The following SCN9A variants were observed in gnomAD, a reference collection of about 807,000 sequenced individuals.
The protein encoded by SCN9A is sodium voltage-gated channel alpha subunit 9.
A neutral mutation model predicts 187.0 loss-of-function variants in SCN9A; 131 were observed. That is an observed-to-expected ratio of 0.70 (90% confidence interval 0.61 to 0.81). SCN9A has a LOEUF of 0.81. SCN9A is among the 30% of genes least tolerant of loss of function. The pLI, the probability that SCN9A is intolerant of heterozygous loss-of-function variation, is 0.00. For missense variants in SCN9A, 2,252 were observed against 2,396.6 expected (o/e 0.94, Z 1.26); for synonymous variants, 809 against 808.6 (o/e 1.00, Z -0.01).
chr2:166,218,830 G>A (rs180692545), intron 24 of SCN9A, among the ~76,000 whole-genome samples: 254 of 152,176 alleles, frequency 1.7e-3, no homozygotes, highest in African/African-American at 5.2e-3. Flanking sequence ...TCTGACAAAG[G>A]TCTAATATCC....
At chr2:166,362,567 A>G (rs1700310351) in intron 1 of SCN9A, among the ~76,000 whole-genome samples, 2 of 152,004 alleles carry the variant, frequency 1.3e-5, no homozygotes, top group Admixed American at 1.3e-4. Context: ...ATTCCAAATT[A>G]GATAACAATC....
chr2:166,195,303 T>G lies in SCN9A; in HGVS notation c.*3369A>C, dbSNP rs199744543. The stretch of plus-strand genomic sequence containing the variant: ...CTCAAACATTTTGAGCATTCATAGA[T>G]CTATGAAATTTGTAAAGAATCCTAT... On this transcript the variant is annotated 3_prime_UTR_variant, in exon 27 of 27. Coordinates refer to ENST00000642356, the MANE Select transcript of SCN9A (RefSeq NM_001365536.1). 5 of 152,200 alleles carry G rather than the reference T, an allele frequency of 3.3e-5. No individual in the cohort carries two copies. The highest frequency in any genetic ancestry group is 7.3e-5 in the Non-Finnish European group (5 of 68,034). 9.4% of individuals were successfully genotyped at this position (152,200 alleles called of 1,614,324 possible).
chr2:166,329,273 A>G (rs1244609716), intron 1 of SCN9A, among the ~76,000 whole-genome samples: 1 of 152,140 alleles, frequency 6.6e-6, no homozygotes, highest in Non-Finnish European at 1.5e-5. Context: ...CTTACTTTTC[A>G]AATTACCAAA....
At chr2:166,373,358 G>A (rs1700610887) in intron 1 of SCN9A, among the ~76,000 whole-genome samples, 1 of 149,704 alleles carries the variant, frequency 6.7e-6, no homozygotes, top group Non-Finnish European at 1.5e-5. Context: ...GTTTGTTAGG[G>A]GAGACAGGAT....
intron 7 of SCN9A, among the ~76,000 whole-genome samples, chr2:166,295,156 A>G (rs56950053): frequency 3.3e-3 from 503 of 152,322 alleles, no homozygotes; most frequent in African/African-American, 0.012. Flanking sequence ...AGAAAGAACT[A>G]AAGCCCTAAG....
chr2:166,229,831 T>G (rs982350674), intron 21 of SCN9A, among the ~76,000 whole-genome samples: 8 of 152,206 alleles, frequency 5.3e-5, no homozygotes, highest in Non-Finnish European at 1.2e-4. Context: ...TCCTGTGGCA[T>G]TTAACACTCT....
At position 166,278,265 on chromosome 2, in the gene SCN9A, T is replaced by C. The variant is rs149707354; in HGVS notation, c.2392A>G (p.Met798Val). ...AAEMVLKLIAMDPYEYFQVGW... is the reference protein window; with the variant it reads ...AAEMVLKLIAVDPYEYFQVGW... ...ACTTGGAAATACTCATATGGATCCA[T>C]GGCAATCAGTTTTAATACCATTTCA... Residue 798 changes from methionine to valine, a missense_variant, in exon 15 of 27, where the codon ATG becomes GTG. This residue lies in a region of SCN9A where 1,013 missense variants were observed against 997.4 expected (regional missense o/e 1.02). Coordinates refer to ENST00000642356, the MANE Select transcript of SCN9A (RefSeq NM_001365536.1). 1,360 of 1,611,782 alleles carry C rather than the reference T, an allele frequency of 8.4e-4. 24 individuals carry two copies. In the East Asian group the frequency reaches 0.025, roughly 30 times the overall value.
chr2:166,300,722 A>G lies in SCN9A; in HGVS notation c.901+2368T>C, dbSNP rs1000609120. On this transcript the variant is annotated intron_variant, in intron 7 of 26. Coordinates refer to ENST00000642356, the MANE Select transcript of SCN9A (RefSeq NM_001365536.1). The stretch of plus-strand genomic sequence containing the variant: ...GACATAGGAAACAGAAGCAAAATTC[A>G]GACTTGATTTAAACACCTCTTCACT... 8.6e-5 allele frequency among the ~76,000 whole-genome samples: 13 copies of G among 151,000 alleles called. 1 individual carries two copies. Among genetic ancestry groups the G allele is most frequent in the African/African-American group, 2.7e-4 (11 of 40,302 alleles).
At chr2:166,222,967 A>AAAAAAAAAAAAAAAAC (rs1694682504) in intron 24 of SCN9A, among the ~76,000 whole-genome samples, 1 of 148,714 alleles carries the variant, frequency 6.7e-6, no homozygotes, top group Non-Finnish European at 1.5e-5. Flanking sequence ...AAAAAAAAAA[A>AAAAAAAAAAAAAAAAC]AAAAACAGCA....
At chr2:166,244,183 C>A (rs978235226) in intron 18 of SCN9A, among the ~76,000 whole-genome samples, 1 of 151,842 alleles carries the variant, frequency 6.6e-6, no homozygotes, top group African/African-American at 2.4e-5. Context: ...GGGGTGGGAA[C>A]CTGAAACGGG....
At chr2:166,351,706 C>T (rs1700037184) in intron 1 of SCN9A, among the ~76,000 whole-genome samples, 1 of 152,096 alleles carries the variant, frequency 6.6e-6, no homozygotes, top group Non-Finnish European at 1.5e-5. Context: ...TGGGTAGATT[C>T]ACTACATCCA....
intron 26 of SCN9A, among the ~76,000 whole-genome samples, chr2:166,201,189 CTATATATACACACAT>C (rs1402965546): frequency 6.7e-6 from 1 of 148,260 alleles, no homozygotes; most frequent in Non-Finnish European, 1.5e-5. Flanking sequence ...TATACACACA[CTATATATACACACAT>C]ACTATATATA....
intron 1 of SCN9A, among the ~76,000 whole-genome samples, chr2:166,316,054 C>T (rs948854133): frequency 2.0e-5 from 3 of 151,968 alleles, no homozygotes; most frequent in Admixed American, 1.3e-4. Context: ...ATAAAGAATG[C>T]TAGATTTAAT....
intron 16 of SCN9A, among the ~76,000 whole-genome samples, chr2:166,273,959 AGGTCT>A (rs1407663417): frequency 6.6e-6 from 1 of 152,152 alleles, no homozygotes; most frequent in Non-Finnish European, 1.5e-5. Context: ...TGGAGGTCGG[AGGTCT>A]GGGAATCATA....
At chr2:166,224,450 A>G in intron 24 of SCN9A, among the ~76,000 whole-genome samples, 1 of 152,134 alleles carries the variant, frequency 6.6e-6, no homozygotes, top group East Asian at 1.9e-4. Context: ...CTGTCTTCTT[A>G]GATGCTAAGC....
At chr2:166,372,235 G>C (rs1036387099) in intron 1 of SCN9A, among the ~76,000 whole-genome samples, 1 of 152,076 alleles carries the variant, frequency 6.6e-6, no homozygotes, top group Non-Finnish European at 1.5e-5. Flanking sequence ...TTGCCTCTCT[G>C]AACCTTCCTT....
At position 166,228,787 on chromosome 2, in the gene SCN9A, A is replaced by G. The variant is rs199673396; in HGVS notation, c.4110T>C (p.Cys1370=). The change falls in exon 22 of 27, where the codon TGT becomes TGC. Residue 1370 remains cysteine (C), a synonymous_variant. Transcript: ENST00000642356. ...TTTGACTAACATTCATAAGGGCAAA[A>G]CATTCGGAACGATTTGGAACTTGAC... The part of the protein sequence containing the change: ...PASQVPNRSE[C]FALMNVSQNV... The G allele has an allele frequency of 2.0e-4, 324 of 1,613,928 alleles. 8 individuals are homozygous for G. In the Middle Eastern group the frequency reaches 0.01, roughly 52 times the overall value.
chr2:166,321,718 C>G (rs1699247925), intron 1 of SCN9A, among the ~76,000 whole-genome samples: 1 of 150,554 alleles, frequency 6.6e-6, no homozygotes, highest in Non-Finnish European at 1.5e-5. Context: ...TTAATATTTA[C>G]TTTTTAATTC....
intron 20 of SCN9A, among the ~76,000 whole-genome samples, chr2:166,235,366 G>A (rs1014918499): frequency 1.3e-5 from 2 of 151,784 alleles, no homozygotes; most frequent in Non-Finnish European, 2.9e-5. Flanking sequence ...ACAAATATAC[G>A]CCTGTACTGA....
Sources: gnomAD v4.1 joint callset for allele counts (sites outside exome capture counted in the v4.1 genomes callset) on GRCh38, gnomAD v4.1.1 for gene constraint, gnomAD v4.1.1 regional missense constraint, MANE v1.5 for transcripts, NCBI Gene and HGNC (gene_info 2026-07-23, HGNC 2026-07-21) for gene names.